NRG2: variants seen among roughly 807,000 people sequenced by gnomAD.
The protein encoded by NRG2 is neuregulin 2.
Under a neutral mutation model 73.9 loss-of-function variants are expected in NRG2, and 27 were observed. That is an observed-to-expected ratio of 0.37 (90% confidence interval 0.27 to 0.50). NRG2 has a LOEUF of 0.50. NRG2 is among the 20% of genes least tolerant of loss of function. The pLI, the probability that NRG2 is intolerant of heterozygous loss-of-function variation, is 0.96. For synonymous variants in NRG2, 532 were observed against 541.0 expected (o/e 0.98, Z 0.23); for missense variants, 1,126 against 1,210.1 (o/e 0.93, Z 1.03).
chr5:139,868,562 G>A lies in NRG2; in HGVS notation c.1113-2937C>T, dbSNP rs1762640032. 6.6e-6 allele frequency among the ~76,000 whole-genome samples: 1 copy of A among 152,078 alleles called. No individual in the cohort carries two copies. Among genetic ancestry groups the A allele is most frequent in the Non-Finnish European group, 1.5e-5 (1 of 68,004 alleles). ...CTGTCCCCAGGGCTGGAGAAGAGCA[G>A]GGTGAGAGAGGGGCAGAGAGGAGAG... On this transcript the variant is annotated intron_variant, in intron 4 of 9. Transcript: ENST00000361474. The surrounding 1 kb of genome is among the most constrained non-coding windows in gnomAD (Gnocchi z 4.2).
rs1024119009 is a variant in NRG2 at position 139,870,332 on chromosome 5, G to C, written c.1112+1389C>G. Among the ~76,000 whole-genome samples, 1 of 152,170 alleles carries C rather than the reference G, an allele frequency of 6.6e-6. No individual in the cohort carries two copies. The highest frequency in any genetic ancestry group is 2.4e-5 in the African/African-American group (1 of 41,444). ...GGACTCTCCTCTAAGGTTCAGGGAG[G>C]GGGAGAAGGAGGTGGCAGCAGGGGC... On this transcript the variant is annotated intron_variant, in intron 4 of 9. Coordinates refer to ENST00000361474, the MANE Select transcript of NRG2 (RefSeq NM_004883.3). The surrounding 1 kb of genome is among the most constrained non-coding windows in gnomAD (Gnocchi z 4.4).
At chr5:139,986,434 T>C (rs1757178762) in intron 1 of NRG2, among the ~76,000 whole-genome samples, 1 of 152,132 alleles carries the variant, frequency 6.6e-6, no homozygotes, top group Non-Finnish European at 1.5e-5. Flanking sequence ...GATATAACTG[T>C]GACACAACTG....
chr5:139,882,177 T>C, intron 2 of NRG2, among the ~76,000 whole-genome samples: 1 of 152,158 alleles, frequency 6.6e-6, no homozygotes, highest in East Asian at 1.9e-4. Context: ...ATCATTGCCC[T>C]GAGCCTAGGG....
chr5:139,899,912 C>T (rs1299816598), intron 1 of NRG2, among the ~76,000 whole-genome samples: 4 of 152,172 alleles, frequency 2.6e-5, no homozygotes, highest in Admixed American at 6.5e-5. Context: ...CATGGTTAAT[C>T]GTGGGACTTT....
chr5:140,018,629 C>G lies in NRG2; in HGVS notation c.700+23741G>C, dbSNP rs189171587. ...ATGAGAATTCATCAGCATCTCTTAG[C>G]CCAACTGCAAAAACAGCACTAATAC... On this transcript the variant is annotated intron_variant, in intron 1 of 9. Transcript: ENST00000361474. Among the ~76,000 whole-genome samples the G allele has an allele frequency of 1.3e-3, 203 of 152,268 alleles. 1 individual carries two copies. Among genetic ancestry groups the G allele is most frequent in the Non-Finnish European group, 2.3e-3 (159 of 68,020 alleles).
intron 1 of NRG2, among the ~76,000 whole-genome samples, chr5:139,948,341 T>C (rs1256872787): frequency 6.6e-6 from 1 of 152,180 alleles, no homozygotes; most frequent in Non-Finnish European, 1.5e-5. Flanking sequence ...CATACCAACC[T>C]TTCTAGTGGT....
At chr5:139,964,671 C>T (rs554150233) in intron 1 of NRG2, among the ~76,000 whole-genome samples, 2 of 152,346 alleles carry the variant, frequency 1.3e-5, no homozygotes, top group South Asian at 2.1e-4. Flanking sequence ...TGGAGTTAGA[C>T]TCCTCCGTCA....
At chr5:139,905,843 C>A (rs556899464) in intron 1 of NRG2, among the ~76,000 whole-genome samples, 1 of 152,276 alleles carries the variant, frequency 6.6e-6, no homozygotes, top group African/African-American at 2.4e-5. Flanking sequence ...TCTGCTTCAA[C>A]CCCTGCTCTT....
intron 2 of NRG2, among the ~76,000 whole-genome samples, chr5:139,882,669 C>A (rs923698971): frequency 6.6e-6 from 1 of 152,132 alleles, no homozygotes; most frequent in Non-Finnish European, 1.5e-5. Context: ...TGTGCACACA[C>A]CAGATTAGCA....
At chr5:140,006,227 G>C (rs1256482201) in intron 1 of NRG2, among the ~76,000 whole-genome samples, 1 of 152,204 alleles carries the variant, frequency 6.6e-6, no homozygotes, top group African/African-American at 2.4e-5. Flanking sequence ...ACTGTGCTTT[G>C]TAGGGCTCTT....
At position 139,846,862 on chromosome 5, in the gene NRG2, T is replaced by C. The variant is rs1256253108; in HGVS notation, c.*1055A>G. The C allele has an allele frequency of 6.6e-6, 1 of 152,154 alleles. No individual in the cohort carries two copies. The highest frequency in any genetic ancestry group is 2.4e-5 in the African/African-American group (1 of 41,390). 9.4% of individuals were successfully genotyped at this position (152,154 alleles called of 1,614,324 possible). A position where few individuals can be genotyped will look rare whatever the true frequency, so the allele number is the denominator to read the frequency against. The stretch of plus-strand genomic sequence containing the variant: ...GGTGTTCAGACATTTCAGGACAGGA[T>C]TCCCATCTGTTTCTGTTTGGGATTT... On this transcript the variant is annotated 3_prime_UTR_variant, in exon 10 of 10. Coordinates refer to ENST00000361474, the MANE Select transcript of NRG2 (RefSeq NM_004883.3).
At chr5:140,025,074 T>C (rs558531556) in intron 1 of NRG2, among the ~76,000 whole-genome samples, 1 of 152,152 alleles carries the variant, frequency 6.6e-6, no homozygotes, top group South Asian at 2.1e-4. Flanking sequence ...GGAGGCTGAT[T>C]TCCAGGAAGG....
At chr5:139,899,418 C>T (rs2546538) in intron 1 of NRG2, among the ~76,000 whole-genome samples, 152,046 of 152,374 alleles carry the variant, frequency 1, 75,860 homozygotes, top group Middle Eastern at 1. Flanking sequence ...ATTTAAATGT[C>T]CATCTTTTTC....
intron 1 of NRG2, among the ~76,000 whole-genome samples, chr5:139,964,837 G>C (rs1755366800): frequency 1.3e-5 from 2 of 152,188 alleles, no homozygotes; most frequent in African/African-American, 4.8e-5. Context: ...TACCTATCTA[G>C]CCCTGAGCCA....
chr5:139,949,129 T>G (rs1754006317), intron 1 of NRG2, among the ~76,000 whole-genome samples: 1 of 152,174 alleles, frequency 6.6e-6, no homozygotes, highest in South Asian at 2.1e-4. Flanking sequence ...AATAATCTCC[T>G]GTTTCCTCTC....
intron 1 of NRG2, among the ~76,000 whole-genome samples, chr5:139,978,757 G>A (rs940210566): frequency 6.6e-6 from 1 of 150,956 alleles, no homozygotes. Flanking sequence ...TGTTTACTGT[G>A]GCACTATCGC....
At chr5:139,893,761 G>A (rs910244979) in intron 1 of NRG2, among the ~76,000 whole-genome samples, 1 of 152,222 alleles carries the variant, frequency 6.6e-6, no homozygotes, top group Non-Finnish European at 1.5e-5. Context: ...GGGATGTGGG[G>A]AGGTCTCCCT....
chr5:139,873,344 G>A (rs1412209113), intron 3 of NRG2, among the ~76,000 whole-genome samples: 1 of 152,180 alleles, frequency 6.6e-6, no homozygotes, highest in African/African-American at 2.4e-5. Flanking sequence ...CCCCACTTCT[G>A]GGTCAGTGAG....
At chr5:139,878,397 C>T (rs552063783) in intron 3 of NRG2, among the ~76,000 whole-genome samples, 62 of 152,300 alleles carry the variant, frequency 4.1e-4, no homozygotes, top group Non-Finnish European at 7.4e-4. Context: ...CTCTTTTCTC[C>T]GGGTGGTGGG....
Sources: allele counts gnomAD v4.1 joint callset (sites outside exome capture counted in the v4.1 genomes callset), GRCh38; gene constraint gnomAD v4.1.1; non-coding constraint Gnocchi (gnomAD v3.1); transcripts MANE v1.5; gene names NCBI Gene and HGNC (gene_info 2026-07-23, HGNC 2026-07-21).